Variants in EFHB observed in about 807,000 individuals in gnomAD.
EFHB encodes EF-hand domain family member B.
A neutral mutation model predicts 87.2 loss-of-function variants in EFHB; 91 were observed. That is an observed-to-expected ratio of 1.04 (90% CI 0.88 to 1.24). EFHB has a LOEUF of 1.24. Among genes scored for constraint, EFHB ranks in the 50% most tolerant of loss-of-function variants. The pLI, the probability that EFHB is intolerant of heterozygous loss-of-function variation, is 0.00. For missense variants in EFHB, 1,084 were observed against 998.8 expected (o/e 1.09, Z -1.15); for synonymous variants, 325 against 333.6 (o/e 0.97, Z 0.28).
intron 1 of EFHB, 45 bp downstream of exon 1, chr3:19,933,185 G>GGCTATACA: frequency 9.7e-6 from 15 of 1,544,952 alleles, no homozygotes; most frequent in Non-Finnish European, 1.2e-5. Flanking sequence ...ATAAAGACAT[G>GGCTATACA]GCTATACACA....
At chr3:19,910,362 C>G (rs569220334) in intron 5 of EFHB, among the ~76,000 whole-genome samples, 4 of 152,226 alleles carry the variant, frequency 2.6e-5, no homozygotes, top group African/African-American at 7.2e-5. Context: ...TGAGGTTCCT[C>G]TGTCTTTGGG....
At chr3:19,945,390 ATTAAT>A (rs901048819) in intron 1 of EFHB, among the ~76,000 whole-genome samples, 1 of 152,238 alleles carries the variant, frequency 6.6e-6, no homozygotes, top group African/African-American at 2.4e-5. Flanking sequence ...AGCAGTATGC[ATTAAT>A]TTCAGTTTAT....
At chr3:19,896,623 C>A (rs1694492765) in intron 9 of EFHB, 64 bp downstream of exon 9, 2 of 1,609,236 alleles carry the variant, frequency 1.2e-6, no homozygotes, top group Middle Eastern at 3.3e-4. Flanking sequence ...GACCCCTGAT[C>A]TACACCAAAC....
chr3:19,920,644 T>C, intron 1 of EFHB, 77 bp from the exon 2 acceptor site: 1 of 1,196,866 alleles, frequency 8.4e-7, no homozygotes, highest in Non-Finnish European at 1.2e-6. Flanking sequence ...TATTTCAAAC[T>C]TGTCCTATGC....
intron 1 of EFHB, among the ~76,000 whole-genome samples, chr3:19,921,681 A>T (rs1359763153): frequency 6.6e-6 from 1 of 152,140 alleles, no homozygotes; most frequent in African/African-American, 2.4e-5. Context: ...ATTGTGTGAG[A>T]AGAACTTTGT....
intron 5 of EFHB, 44 bp from the exon 6 acceptor site, chr3:19,905,793 T>C (rs1279569398): frequency 6.4e-7 from 1 of 1,561,138 alleles, no homozygotes; most frequent in Non-Finnish European, 8.7e-7. Flanking sequence ...GCAACACGAA[T>C]AACCTTATCA....
intron 10 of EFHB, among the ~76,000 whole-genome samples, chr3:19,886,230 A>G (rs1031195253): frequency 1.3e-5 from 2 of 152,184 alleles, no homozygotes; most frequent in African/African-American, 4.8e-5. Flanking sequence ...GGTAGGGAAG[A>G]TTCTGATGCT....
chr3:19,905,485 T>C (rs1398037907), intron 6 of EFHB, 135 bp downstream of exon 6: 1 of 1,010,448 alleles, frequency 9.9e-7, no homozygotes, highest in Non-Finnish European at 1.4e-6. Context: ...ACACTGTTTT[T>C]TCTATTTTTT....
intron 1 of EFHB, among the ~76,000 whole-genome samples, chr3:19,925,241 CAA>C (rs968867573): frequency 1.9e-4 from 12 of 62,032 alleles, no homozygotes; most frequent in Admixed American, 2.0e-4. Context: ...GACTCCTTCT[CAA>C]AAAAAAAAAA....
upstream of EFHB, among the ~76,000 whole-genome samples, chr3:19,939,055 C>T (rs921560742): frequency 2.6e-5 from 4 of 152,054 alleles, no homozygotes; most frequent in Non-Finnish European, 4.4e-5. Flanking sequence ...TACAGGCACC[C>T]GCCACCATGC....
chr3:19,883,963 G>A (rs191412837), intron 11 of EFHB, among the ~76,000 whole-genome samples: 2 of 152,188 alleles, frequency 1.3e-5, no homozygotes, highest in Non-Finnish European at 2.9e-5. Flanking sequence ...TAAGACACCA[G>A]TTTGTGGTAC....
chr3:19,927,269 G>A (rs773737116), intron 1 of EFHB, among the ~76,000 whole-genome samples: 2 of 152,182 alleles, frequency 1.3e-5, no homozygotes, highest in Non-Finnish European at 2.9e-5. Flanking sequence ...CCATTGTAGA[G>A]ATTTTGATCT....
chr3:19,944,729 T>C (rs947359402), intron 1 of EFHB, among the ~76,000 whole-genome samples: 8 of 150,462 alleles, frequency 5.3e-5, no homozygotes, highest in East Asian at 1.9e-4. Context: ...AACGATGAAA[T>C]AGGGAGTTTT....
chr3:19,889,269 G>C (rs9843619), intron 9 of EFHB, among the ~76,000 whole-genome samples: 65,387 of 152,062 alleles, frequency 0.43, 15,449 homozygotes, highest in African/African-American at 0.63. Flanking sequence ...GGAGATGAAG[G>C]GGCAGAGCAC....
In EFHB at chr3:19,899,451, GT is replaced by G; in HGVS notation, c.1482del (p.Lys494AsnfsTer6). Reference protein sequence around the residue: ...ADDFKEKFQHKLGRVLDPIAE... With the variant: ...ADDFKEKFQHXLGRVLDPIAE... ...ACTTACGGATCTAAAACTCTTCCAA[GT>G]TTATGTTGAAACTTTTCTTTGAAAT... On this transcript the variant is annotated frameshift_variant, in exon 7 of 13. Coordinates refer to ENST00000295824, the MANE Select transcript of EFHB (RefSeq NM_144715.4). LOFTEE classifies it high-confidence loss of function. The G allele has an allele frequency of 6.2e-7, 1 of 1,601,790 alleles. No individual in the cohort carries two copies. Among genetic ancestry groups the G allele is most frequent in the Non-Finnish European group, 8.5e-7 (1 of 1,175,914 alleles).
Position 19,893,666 on chromosome 3 carries a change from C to T in EFHB, c.1725+3021G>A, listed in dbSNP as rs142719926. ...ACCACAATTTGAATGACATCCACCT[C>T]AACTTTACCAAGAAATCTATTGGAA... is the stretch of plus-strand genomic sequence containing the variant. On this transcript the variant is annotated intron_variant, in intron 9 of 12. Transcript: ENST00000295824. Among the ~76,000 whole-genome samples, 622 of 152,334 alleles carry T rather than the reference C, an allele frequency of 4.1e-3. 18 individuals are homozygous for T. The highest frequency in any genetic ancestry group is 4.6e-3 in the Admixed American group (70 of 15,302).
chr3:19,903,411 T>C (rs926067267), intron 6 of EFHB, among the ~76,000 whole-genome samples: 1 of 152,180 alleles, frequency 6.6e-6, no homozygotes, highest in Non-Finnish European at 1.5e-5. Context: ...TACAAACTGA[T>C]AGCAAGTTTA....
intron 6 of EFHB, among the ~76,000 whole-genome samples, chr3:19,904,139 T>C (rs929815953): frequency 2.6e-5 from 4 of 152,168 alleles, no homozygotes; most frequent in African/African-American, 9.7e-5. Context: ...TAGAGGGCCA[T>C]TGTCTCCTTT....
chr3:19,884,383 T>A lies in EFHB; in HGVS notation c.2146+20A>T, dbSNP rs1443412410. ...GACAGTTTGTTGATGCTTTTAAAAC[T>A]TGACAAATAAGTGACATACAAGTAG... On this transcript the variant is annotated intron_variant, in intron 11 of 12. Coordinates refer to ENST00000295824, the MANE Select transcript of EFHB (RefSeq NM_144715.4). 1 of 1,607,180 alleles carries A rather than the reference T, an allele frequency of 6.2e-7. No individual in the cohort carries two copies. The highest frequency in any genetic ancestry group is 2.2e-5 in the East Asian group (1 of 44,816).
Sources: gnomAD v4.1 joint callset for allele counts (sites outside exome capture counted in the v4.1 genomes callset) on GRCh38, gnomAD v4.1.1 for gene constraint, MANE v1.5 for transcripts, NCBI Gene and HGNC (gene_info 2026-07-23, HGNC 2026-07-21) for gene names.